The following ATP8A1 variants were observed in gnomAD, a reference collection of about 807,000 sequenced individuals.
The protein encoded by ATP8A1 is ATPase phospholipid transporting 8A1.
A neutral mutation model predicts 177.7 loss-of-function variants in ATP8A1; 90 were observed. The ratio of observed to expected loss-of-function variants is 0.51; its 90% CI spans 0.43 to 0.60. The LOEUF is 0.60. Ranked by LOEUF, ATP8A1 falls within the 20% of genes least tolerant of loss-of-function variation. The probability of loss-of-function intolerance (pLI) is 0.00; values close to 1 mark genes in which losing one functional copy is unlikely to be tolerated. For missense variants in ATP8A1, 1,072 were observed against 1,392.8 expected (o/e 0.77, Z 3.67); for synonymous variants, 493 against 485.9 (o/e 1.01, Z -0.19).
At chr4:42,527,629 T>C (rs1420643263) in intron 20 of ATP8A1, among the ~76,000 whole-genome samples, 1 of 152,106 alleles carries the variant, frequency 6.6e-6, no homozygotes, top group African/African-American at 2.4e-5. Context: ...GACCTATAAC[T>C]AGACTAAAGT....
Position 42,588,597 on chromosome 4 carries a change from A to G in ATP8A1, c.525-268T>C, listed in dbSNP as rs1461461104. 1.4e-5 allele frequency: 4 copies of G among 292,556 alleles called. No individual in the cohort carries two copies. In the Admixed American group the frequency reaches 1.5e-4, roughly 11 times the overall value. 18.1% of individuals were successfully genotyped at this position (292,556 alleles called of 1,614,324 possible). A position where few individuals can be genotyped will look rare whatever the true frequency, so the allele number is the denominator to read the frequency against. On this transcript the variant is annotated intron_variant, in intron 7 of 36. Transcript: ENST00000381668. ...GGTCTTCAAGATAATGCAAATGAAT[A>G]GATTTGCACATTATATTTAAATTGT...
At chr4:42,622,610 C>G (rs1737593469) in intron 4 of ATP8A1, among the ~76,000 whole-genome samples, 1 of 152,082 alleles carries the variant, frequency 6.6e-6, no homozygotes, top group Admixed American at 6.5e-5. Flanking sequence ...AAACAGACAA[C>G]TTACAGAATG....
chr4:42,587,180 TGA>T (rs1313627815), intron 8 of ATP8A1, among the ~76,000 whole-genome samples: 26 of 152,148 alleles, frequency 1.7e-4, no homozygotes, highest in African/African-American at 6.0e-4. Flanking sequence ...GTAAGATGAG[TGA>T]GAGTTTTTGA....
intron 25 of ATP8A1, among the ~76,000 whole-genome samples, chr4:42,465,806 G>A (rs563770577): frequency 6.6e-6 from 1 of 152,310 alleles, no homozygotes; most frequent in Admixed American, 6.5e-5. Context: ...GCCAAGGCAG[G>A]TGGATCACGA....
chr4:42,491,615 C>G (rs1722750585), intron 24 of ATP8A1, among the ~76,000 whole-genome samples: 1 of 152,006 alleles, frequency 6.6e-6, no homozygotes, highest in African/African-American at 2.4e-5. Context: ...AATTAAAAGC[C>G]CTGATTTGTT....
rs143714403 is a variant in ATP8A1, at chr4:42,638,748, A to G, written c.50-11639T>C. On this transcript the variant is annotated intron_variant, in intron 1 of 36. Transcript: ENST00000381668. ...TGCCAACATAGATGTTTAAAAATTGACACAGAAGCAGACTGCACCAGAAAC... is the reference window on the plus strand; with the variant it reads ...TGCCAACATAGATGTTTAAAAATTGGCACAGAAGCAGACTGCACCAGAAAC... Among the ~76,000 whole-genome samples the G allele has an allele frequency of 5.5e-3, 842 of 152,316 alleles. 11 individuals are homozygous for G. Among genetic ancestry groups the G allele is most frequent in the African/African-American group, 0.019 (796 of 41,576 alleles).
chr4:42,589,880 C>G lies in ATP8A1; in HGVS notation c.524+931G>C, dbSNP rs539078829. Among the ~76,000 whole-genome samples the G allele has an allele frequency of 2.0e-5, 3 of 150,664 alleles. No homozygotes were observed. The East Asian group carries it at 5.9e-4, about 29-fold the overall frequency. On this transcript the variant is annotated intron_variant, in intron 7 of 36. Coordinates refer to ENST00000381668, the MANE Select transcript of ATP8A1 (RefSeq NM_006095.2). Reference sequence around the variant, plus strand: ...TTTTTTTTTGCATAAAGTAACTTATCTAGGTCTTTAAATGGCTAGGAAGTT... The same window carrying G: ...TTTTTTTTTGCATAAAGTAACTTATGTAGGTCTTTAAATGGCTAGGAAGTT...
chr4:42,572,198 C>G (rs943848892), intron 14 of ATP8A1, among the ~76,000 whole-genome samples: 1 of 152,170 alleles, frequency 6.6e-6, no homozygotes, highest in African/African-American at 2.4e-5. Context: ...TTGCTTTCTT[C>G]CACTGGGGTT....
intron 25 of ATP8A1, 52 bp downstream of exon 25, chr4:42,485,444 C>T (rs1450893412): frequency 6.7e-7 from 1 of 1,497,318 alleles, no homozygotes; most frequent in East Asian, 2.3e-5. Context: ...AAATCAAGAA[C>T]TTAGATCAAG....
intron 1 of ATP8A1, among the ~76,000 whole-genome samples, chr4:42,646,800 A>T (rs1205676656): frequency 6.6e-6 from 1 of 152,212 alleles, no homozygotes; most frequent in Non-Finnish European, 1.5e-5. Flanking sequence ...CACATAAAAT[A>T]ATGAACAGAG....
chr4:42,512,280 T>C (rs1034963406), intron 22 of ATP8A1, among the ~76,000 whole-genome samples: 18 of 152,174 alleles, frequency 1.2e-4, no homozygotes, highest in African/African-American at 4.3e-4. Flanking sequence ...AATCATCAGG[T>C]TTTTAAACTT....
chr4:42,574,527 A>G, intron 14 of ATP8A1, 92 bp downstream of exon 14: 1 of 1,011,288 alleles, frequency 9.9e-7, no homozygotes. Context: ...AAACAACCCC[A>G]TACCCTCCCC....
In ATP8A1 at chr4:42,522,285, A is replaced by G; in HGVS notation, c.1822T>C (p.Cys608Arg). ...TCTGAAATCTCAGCCACAGCAAAAC[A>G]TAAAGTTCTTAACCCTGAAAAAGAT... ...QFATEGLRTL[C>R]FAVAEISESD... The change falls in exon 22 of 37, where the codon TGT becomes CGT. Residue 608 changes from cysteine to arginine, a missense_variant. Cys to Arg is a radical substitution (Grantham distance 180). Coordinates refer to ENST00000381668, the MANE Select transcript of ATP8A1 (RefSeq NM_006095.2). 6.2e-7 allele frequency: 1 copy of G among 1,613,634 alleles called. No homozygotes were observed. Among genetic ancestry groups the G allele is most frequent in the Non-Finnish European group, 8.5e-7 (1 of 1,179,834 alleles).
intron 16 of ATP8A1, among the ~76,000 whole-genome samples, chr4:42,555,138 TAATCTATC>T (rs59229944): frequency 0.056 from 4,293 of 76,478 alleles, 175 homozygotes; most frequent in African/African-American, 0.057. Flanking sequence ...TCTATCTATC[TAATCTATC>T]TATCTATCTA....
chr4:42,575,672 C>T lies in ATP8A1; in HGVS notation c.1156G>A (p.Asp386Asn). 1.9e-6 allele frequency: 3 copies of T among 1,613,616 alleles called. No homozygotes were observed. The highest frequency in any genetic ancestry group is 2.5e-6 in the Non-Finnish European group (3 of 1,179,684). The change falls in exon 13 of 37, where the codon GAC (aspartate) becomes AAC (asparagine). Residue 386 changes from aspartate to asparagine, a missense_variant. By Grantham distance (23) the Asp-to-Asn change is conservative. Around this residue, in one of 5 missense-constraint regions of ATP8A1, gnomAD observed 388 missense variants for 471.7 expected, o/e 0.82. Transcript: ENST00000381668. Reference sequence around the variant, plus strand: ...GATGTTCGAGCCATAGCAGCAGTGTCTGTGGGTTCATAGTGCATGTCAAGA... The same window carrying T: ...GATGTTCGAGCCATAGCAGCAGTGTTTGTGGGTTCATAGTGCATGTCAAGA... ...WDLDMHYEPT[D>N]TAAMARTSNL...
intron 25 of ATP8A1, among the ~76,000 whole-genome samples, chr4:42,478,566 A>C (rs908536655): frequency 8.5e-5 from 3 of 35,432 alleles, no homozygotes; most frequent in Admixed American, 4.2e-4. Flanking sequence ...ACACACACAA[A>C]AAAAAAACCA....
chr4:42,434,729 A>T (rs1006806369), intron 33 of ATP8A1, among the ~76,000 whole-genome samples: 1 of 152,166 alleles, frequency 6.6e-6, no homozygotes, highest in Non-Finnish European at 1.5e-5. Flanking sequence ...CGTATTGGTA[A>T]TGTCTAAGAA....
chr4:42,412,813 T>C lies in ATP8A1; in HGVS notation c.*103A>G. ...TCAGCGAGATGAGCTCAGATCTACC[T>C]TTCCTCTTCATGGACCAGACTGGAA... On this transcript the variant is annotated 3_prime_UTR_variant, in exon 37 of 37. Coordinates refer to ENST00000381668, the MANE Select transcript of ATP8A1 (RefSeq NM_006095.2). 1.1e-6 allele frequency: 1 copy of C among 908,832 alleles called. No individual in the cohort carries two copies. The allele number at this position is 908,832 out of a possible 1,614,324, so 56.3% of individuals were successfully genotyped here. A position where few individuals can be genotyped will look rare whatever the true frequency, so the allele number is the denominator to read the frequency against.
intron 4 of ATP8A1, among the ~76,000 whole-genome samples, chr4:42,616,330 T>G (rs1222177581): frequency 1.3e-5 from 2 of 152,192 alleles, no homozygotes; most frequent in Non-Finnish European, 2.9e-5. Context: ...GAGCATAAGT[T>G]TGTGGTCCTC....
Sources: gnomAD v4.1 joint callset for allele counts (sites outside exome capture counted in the v4.1 genomes callset) on GRCh38, gnomAD v4.1.1 for gene constraint, gnomAD v4.1.1 regional missense constraint, MANE v1.5 for transcripts, NCBI Gene and HGNC (gene_info 2026-07-23, HGNC 2026-07-21) for gene names.